The following GGTA1 variants were observed in gnomAD, a reference collection of about 807,000 sequenced individuals.
GGTA1 encodes inactive N-acetyllactosaminide alpha-1,3-galactosyltransferase.
In GGTA1, 5 loss-of-function variants were observed where a neutral mutation model predicts 2.6. That is an observed-to-expected ratio of 1.92 (90% confidence interval 1.00 to 4.04). GGTA1 has a LOEUF of 4.04. Ranked by LOEUF, GGTA1 falls within the 30% of genes most tolerant of loss-of-function variation. The pLI, the probability that GGTA1 is intolerant of heterozygous loss-of-function variation, is 0.00. For missense variants in GGTA1, 50 were observed against 16.7 expected (o/e 2.99, Z -3.47); for synonymous variants, 17 against 5.0 (o/e 3.38, Z -3.19).
Position 121,460,923 on chromosome 9 carries a change from A to G in GGTA1, c.182+329T>C, listed in dbSNP as rs551604915. Among the ~76,000 whole-genome samples, 3 of 151,990 alleles carry G rather than the reference A, an allele frequency of 2.0e-5. No homozygotes were observed. The South Asian group carries it at 6.2e-4, about 32-fold the overall frequency. On this transcript the variant is annotated intron_variant, in intron 4 of 5. Transcript: ENST00000481799. The stretch of plus-strand genomic sequence containing the variant: ...TAACTGAAACAAAACAAAACAAAAG[A>G]CTTATTTATCTGGATGTGGTAGTGC...
chr9:121,449,338 G>T (rs1402684338), intron 7 of GGTA1, among the ~76,000 whole-genome samples: 1 of 152,162 alleles, frequency 6.6e-6, no homozygotes, highest in Non-Finnish European at 1.5e-5. Flanking sequence ...GGATCGTGTG[G>T]TAAGAATATA....
chr9:121,472,941 G>A (rs1429606674), intron 1 of GGTA1, among the ~76,000 whole-genome samples: 1 of 152,110 alleles, frequency 6.6e-6, no homozygotes, highest in Non-Finnish European at 1.5e-5. Context: ...AGCATCAGAA[G>A]CAACTCTTGA....
chr9:121,472,680 C>T (rs1008209591), intron 1 of GGTA1, among the ~76,000 whole-genome samples: 1 of 151,850 alleles, frequency 6.6e-6, no homozygotes, highest in African/African-American at 2.4e-5. Flanking sequence ...TTGATCAAGC[C>T]TCAGGCGCTG....
chr9:121,479,056 C>T (rs1423788853), intron 1 of GGTA1: 3 of 456,444 alleles, frequency 6.6e-6, no homozygotes, highest in Non-Finnish European at 1.3e-5. Context: ...CAAAATAAAG[C>T]TGAACTTACA....
At chr9:121,498,426 C>T (rs1829034618) in intron 1 of GGTA1, among the ~76,000 whole-genome samples, 1 of 152,228 alleles carries the variant, frequency 6.6e-6, no homozygotes. Flanking sequence ...CAAAGAAGCA[C>T]AGAAATGCAG....
intron 1 of GGTA1, among the ~76,000 whole-genome samples, chr9:121,499,325 C>A (rs946135920): frequency 1.3e-5 from 2 of 152,108 alleles, no homozygotes; most frequent in South Asian, 4.1e-4. Context: ...TCCTGTGTCC[C>A]CTGCGTCTCC....
chr9:121,448,145 T>A (rs2064861214), intron 7 of GGTA1, among the ~76,000 whole-genome samples: 1 of 152,196 alleles, frequency 6.6e-6, no homozygotes, highest in South Asian at 2.1e-4. Context: ...ATAATGAAAG[T>A]AATATTTACC....
chr9:121,452,072 A>G (rs768865692), downstream of GGTA1: 12 of 152,652 alleles, frequency 7.9e-5, no homozygotes, highest in South Asian at 2.1e-4. Context: ...CCATCAGTTC[A>G]GGAGTCTCCA....
intron 3 of GGTA1, among the ~76,000 whole-genome samples, chr9:121,462,284 C>G (rs2064966499): frequency 6.6e-6 from 1 of 151,836 alleles, no homozygotes; most frequent in African/African-American, 2.4e-5. Flanking sequence ...AAGATGGCAC[C>G]ACTGCACTCC....
chr9:121,490,894 G>A (rs1429555913), intron 1 of GGTA1, among the ~76,000 whole-genome samples: 2 of 152,278 alleles, frequency 1.3e-5, no homozygotes, highest in East Asian at 3.9e-4. Context: ...GCTACTCAAT[G>A]TAGCTGCCCC....
At chr9:121,490,865 C>A (rs1372402513) in intron 1 of GGTA1, among the ~76,000 whole-genome samples, 1 of 152,176 alleles carries the variant, frequency 6.6e-6, no homozygotes, top group Non-Finnish European at 1.5e-5. Context: ...TGACCTCTGG[C>A]CTATATGCCT....
At chr9:121,447,408 C>T (rs553450043) in exon 8 of GGTA1, 1 of 152,622 alleles carries the variant, frequency 6.6e-6, no homozygotes, top group South Asian at 2.1e-4. Context: ...TCTTCATACG[C>T]ATCATGCTGA....
chr9:121,485,689 G>A (rs189132431), intron 1 of GGTA1, among the ~76,000 whole-genome samples: 77 of 152,278 alleles, frequency 5.1e-4, no homozygotes, highest in Non-Finnish European at 9.1e-4. Context: ...ACGCTGATTA[G>A]CACACACAAA....
intron 1 of GGTA1, among the ~76,000 whole-genome samples, chr9:121,468,433 G>A (rs1021163157): frequency 6.6e-6 from 1 of 152,100 alleles, no homozygotes; most frequent in East Asian, 1.9e-4. Flanking sequence ...TGGGCATTTG[G>A]GTTGATTTCA....
chr9:121,457,710 A>AAAC (rs1564650904), intron 5 of GGTA1, among the ~76,000 whole-genome samples: 3 of 150,220 alleles, frequency 2.0e-5, no homozygotes, highest in East Asian at 2.0e-4. Context: ...TAAAAAAAAA[A>AAAC]AAAAAACAGT....
intron 1 of GGTA1, among the ~76,000 whole-genome samples, chr9:121,499,002 T>C (rs1589341631): frequency 6.6e-6 from 1 of 151,996 alleles, no homozygotes; most frequent in Admixed American, 6.6e-5. Context: ...GGAGCAAGGT[T>C]TGAAGAGTTG....
At chr9:121,458,801 C>T (rs2064935681) in intron 5 of GGTA1, among the ~76,000 whole-genome samples, 1 of 152,050 alleles carries the variant, frequency 6.6e-6, no homozygotes, top group Non-Finnish European at 1.5e-5. Context: ...GTCATTCAGC[C>T]CCAGCCCCAC....
chr9:121,496,464 C>G (rs10985273), intron 1 of GGTA1, among the ~76,000 whole-genome samples: 1 of 151,704 alleles, frequency 6.6e-6, no homozygotes, highest in Non-Finnish European at 1.5e-5. Context: ...GGCGTGGTGG[C>G]TCACACCTGC....
chr9:121,473,896 C>T (rs560486990), intron 1 of GGTA1, among the ~76,000 whole-genome samples: 104 of 120,956 alleles, frequency 8.6e-4, no homozygotes, highest in African/African-American at 2.7e-3. Context: ...GCAGCCTGGG[C>T]GACAGAGTGA....
Sources: gnomAD v4.1 joint callset for allele counts (sites outside exome capture counted in the v4.1 genomes callset) on GRCh38, gnomAD v4.1.1 for gene constraint, MANE v1.5 for transcripts, NCBI Gene and HGNC (gene_info 2026-07-23, HGNC 2026-07-21) for gene names.